The following WWTR1 variants were observed in gnomAD, a reference collection of about 807,000 sequenced individuals.
WWTR1 encodes the protein WW domain containing transcription regulator 1.
In WWTR1, 13 loss-of-function variants were observed where a neutral mutation model predicts 40.1. The observed-to-expected ratio is 0.32, with a 90% CI of 0.21 to 0.52. The LOEUF is 0.52. WWTR1 is among the 20% of genes least tolerant of loss of function. The probability of loss-of-function intolerance (pLI) is 0.97; values close to 1 mark genes in which losing one functional copy is unlikely to be tolerated. For synonymous variants in WWTR1, 230 were observed against 210.1 expected (o/e 1.09, Z -0.82); for missense variants, 436 against 523.1 (o/e 0.83, Z 1.63).
intron 2 of WWTR1, among the ~76,000 whole-genome samples, chr3:149,584,700 G>C (rs1738329526): frequency 6.6e-6 from 1 of 152,052 alleles, no homozygotes; most frequent in South Asian, 2.1e-4. Flanking sequence ...GTATTTCTTG[G>C]CATCTTCAGT....
intron 3 of WWTR1, among the ~76,000 whole-genome samples, chr3:149,545,424 T>C (rs371214154): frequency 2.0e-5 from 3 of 152,212 alleles, no homozygotes; most frequent in East Asian, 3.8e-4. Context: ...CTGACACAAC[T>C]ACTAGAGACA....
chr3:149,660,043 C>T (rs1415483441), upstream of WWTR1: 1 of 151,980 alleles, frequency 6.6e-6, no homozygotes, highest in African/African-American at 2.4e-5. Context: ...CTCAGCCTCC[C>T]GAGTAGCTGG....
At chr3:149,656,472 C>T (rs1481177434) in intron 2 of WWTR1, among the ~76,000 whole-genome samples, 2 of 152,104 alleles carry the variant, frequency 1.3e-5, no homozygotes, top group Non-Finnish European at 2.9e-5. Context: ...GTTCCCCAAG[C>T]TTCACAGCTT....
chr3:149,671,870 A>G (rs920230161), intron 1 of WWTR1, among the ~76,000 whole-genome samples: 1 of 152,116 alleles, frequency 6.6e-6, no homozygotes, highest in Admixed American at 6.5e-5. Context: ...CTGTGTTATT[A>G]TGAAGCTGAT....
intron 4 of WWTR1, 147 bp from the exon 5 acceptor site, chr3:149,528,116 T>C (rs1735415811): frequency 5.7e-6 from 6 of 1,051,102 alleles, no homozygotes; most frequent in African/African-American, 1.6e-5. Flanking sequence ...CCATTAGTAT[T>C]CTTTCTCCGA....
intron 2 of WWTR1, among the ~76,000 whole-genome samples, chr3:149,600,857 G>C (rs1739209447): frequency 6.6e-6 from 1 of 152,166 alleles, no homozygotes; most frequent in Non-Finnish European, 1.5e-5. Flanking sequence ...GGAAGCTCAT[G>C]CATTTTGTAG....
intron 4 of WWTR1, among the ~76,000 whole-genome samples, chr3:149,723,238 G>C (rs1715801792): frequency 7.0e-6 from 1 of 142,232 alleles, no homozygotes; most frequent in Non-Finnish European, 1.5e-5. Context: ...GCCCAGGCTG[G>C]AGTTCAATGG....
rs1017967467 is a variant in WWTR1, at chr3:149,718,124, A to G, written n.460-558T>C. Among the ~76,000 whole-genome samples the G allele has an allele frequency of 2.6e-5, 4 of 152,282 alleles. No homozygotes were observed. The South Asian group carries it at 6.2e-4, about 24-fold the overall frequency. On this transcript the variant is annotated intron_variant and non_coding_transcript_variant, in intron 4 of 6. Coordinates refer to the WWTR1 transcript ENST00000474080. ...ACCAAGTTACCAGACCCCAGAGACT[A>G]TTTTTTAAAGTCTATGTGACTATTA...
In WWTR1 at chr3:149,565,307, C is replaced by CT. The variant is rs63069960; in HGVS notation, c.568+7556dup. 6.0e-3 allele frequency among the ~76,000 whole-genome samples: 869 copies of CT among 145,704 alleles called. 9 individuals carry two copies. Among genetic ancestry groups the CT allele is most frequent in the African/African-American group, 0.018 (738 of 39,956 alleles). Reference sequence around the variant, plus strand: ...CCCAAAATATTCACCTAGCATACTACTTTTTTTTTTTAAGGAAAATTGTGG... The same window carrying CT: ...CCCAAAATATTCACCTAGCATACTACTTTTTTTTTTTTAAGGAAAATTGTGG... On this transcript the variant is annotated intron_variant, in intron 3 of 6. Coordinates refer to ENST00000360632, the MANE Select transcript of WWTR1 (RefSeq NM_015472.6).
At chr3:149,585,240 C>A (rs1198309778) in intron 2 of WWTR1, among the ~76,000 whole-genome samples, 6 of 151,872 alleles carry the variant, frequency 4.0e-5, no homozygotes, top group African/African-American at 1.5e-4. Context: ...TCAAGTGATT[C>A]TTTTGCCTCA....
chr3:149,593,104 T>C (rs75815364), intron 2 of WWTR1, among the ~76,000 whole-genome samples: 2,931 of 152,246 alleles, frequency 0.019, 84 homozygotes, highest in African/African-American at 0.068. Flanking sequence ...GGCATACCAA[T>C]GATTTAAGAA....
intron 3 of WWTR1, among the ~76,000 whole-genome samples, chr3:149,724,548 T>G (rs1715829769): frequency 6.6e-6 from 1 of 151,114 alleles, no homozygotes; most frequent in Non-Finnish European, 1.5e-5. Flanking sequence ...TTTGAGAATC[T>G]GATGAAAGCC....
intron 2 of WWTR1, among the ~76,000 whole-genome samples, chr3:149,669,088 A>G (rs1311584276): frequency 6.6e-6 from 1 of 152,188 alleles, no homozygotes; most frequent in Non-Finnish European, 1.5e-5. Context: ...TTTTACCTTT[A>G]GTCAGTCTTT....
At chr3:149,614,877 G>A (rs993266490) in intron 2 of WWTR1, among the ~76,000 whole-genome samples, 1 of 152,082 alleles carries the variant, frequency 6.6e-6, no homozygotes, top group Admixed American at 6.5e-5. Flanking sequence ...CAGCTACTCG[G>A]GAGGCTGAGG....
At position 149,572,764 on chromosome 3, in the gene WWTR1, T is replaced by G. The variant is rs151014871; in HGVS notation, c.568+100A>C. ...TGGGAGACTGAGGTGTTAGGATTGT[T>G]TGAGCCCACGAGTTCAACACCAGCC... On this transcript the variant is annotated intron_variant, in intron 3 of 6. Transcript: ENST00000360632. The G allele has an allele frequency of 7.8e-3, 10,922 of 1,408,258 alleles. 58 individuals carry two copies. Among genetic ancestry groups the G allele is most frequent in the Non-Finnish European group, 9.5e-3 (9,899 of 1,045,538 alleles). The allele number at this position is 1,408,258 out of a possible 1,614,324, so 87.2% of individuals were successfully genotyped here. A position where few individuals can be genotyped will look rare whatever the true frequency, so the allele number is the denominator to read the frequency against.
intron 6 of WWTR1, among the ~76,000 whole-genome samples, chr3:149,521,588 A>G (rs1735048173): frequency 6.6e-6 from 1 of 152,198 alleles, no homozygotes; most frequent in South Asian, 2.1e-4. Context: ...GAGTAAAGAA[A>G]TCTTTTGTTT....
intron 5 of WWTR1, among the ~76,000 whole-genome samples, chr3:149,716,773 G>T (rs1003586443): frequency 3.3e-5 from 5 of 152,070 alleles, no homozygotes; most frequent in Non-Finnish European, 7.4e-5. Context: ...TAAATGTGTA[G>T]TTTAGGATAT....
intron 1 of WWTR1, among the ~76,000 whole-genome samples, chr3:149,685,133 T>C (rs1313363055): frequency 6.6e-6 from 1 of 152,194 alleles, no homozygotes; most frequent in Non-Finnish European, 1.5e-5. Context: ...CTTATAATCC[T>C]GGGAGGAATT....
chr3:149,569,615 C>T (rs1012765503), intron 3 of WWTR1, among the ~76,000 whole-genome samples: 4 of 152,174 alleles, frequency 2.6e-5, no homozygotes, highest in South Asian at 2.1e-4. Flanking sequence ...GATTATATCA[C>T]GGCTCTAGAA....
Sources: gnomAD v4.1 joint callset for allele counts (sites outside exome capture counted in the v4.1 genomes callset) on GRCh38, gnomAD v4.1.1 for gene constraint, MANE v1.5 for transcripts, NCBI Gene and HGNC (gene_info 2026-07-23, HGNC 2026-07-21) for gene names.